OSBPL10: variants seen among roughly 807,000 people sequenced by gnomAD.
OSBPL10 encodes oxysterol-binding protein-related protein 10.
In OSBPL10, 49 loss-of-function variants were observed where a neutral mutation model predicts 81.7. That is an observed-to-expected ratio of 0.60 (90% CI 0.48 to 0.76). The LOEUF is 0.76. Ranked by LOEUF, OSBPL10 falls within the 30% of genes least tolerant of loss-of-function variation. OSBPL10 has a pLI of 0.00. For synonymous variants in OSBPL10, 419 were observed against 383.6 expected (o/e 1.09, Z -1.08); for missense variants, 923 against 987.8 (o/e 0.93, Z 0.88).
At chr3:31,712,347 G>A (rs894969009) in intron 6 of OSBPL10, among the ~76,000 whole-genome samples, 5 of 152,150 alleles carry the variant, frequency 3.3e-5, no homozygotes, top group East Asian at 1.9e-4. Flanking sequence ...CCTAATTCCC[G>A]GAACCTGTGT....
At chr3:32,048,945 A>G (rs1211776503) in intron 1 of OSBPL10, among the ~76,000 whole-genome samples, 1 of 152,218 alleles carries the variant, frequency 6.6e-6, no homozygotes, top group East Asian at 1.9e-4. Flanking sequence ...TACACTAATT[A>G]GAAAACATTA....
At chr3:32,017,067 T>A (rs10510653) in intron 2 of OSBPL10, among the ~76,000 whole-genome samples, 35,469 of 152,084 alleles carry the variant, frequency 0.23, 7,225 homozygotes, top group East Asian at 0.57. Flanking sequence ...AGTTTTGCCC[T>A]TTAAGAGATC....
At chr3:31,806,413 C>T (rs1196752561) in intron 4 of OSBPL10, among the ~76,000 whole-genome samples, 2 of 152,194 alleles carry the variant, frequency 1.3e-5, no homozygotes, top group South Asian at 2.1e-4. Context: ...AATGCATCAA[C>T]GATAAAAGTC....
chr3:31,662,090 G>A lies in OSBPL10; in HGVS notation c.2277C>T (p.Pro759=), dbSNP rs376302982. ...CACCCCATCAGTGTGCTTTCCAGAG[G>A]GGATTGAAGTATACCCAGCCATCGC... is the stretch of plus-strand genomic sequence containing the variant. ...QEGDGWVYFN[P]LWKAH The change falls in exon 12 of 12, where the codon CCC becomes CCT. Residue 759 remains proline (P), a synonymous_variant. Transcript: ENST00000396556. The A allele has an allele frequency of 5.1e-5, 83 of 1,613,878 alleles. No individual in the cohort carries two copies. The highest frequency in any genetic ancestry group is 6.8e-5 in the Non-Finnish European group (80 of 1,179,986).
chr3:31,870,505 AT>A (rs1701293761), intron 3 of OSBPL10, among the ~76,000 whole-genome samples: 1 of 152,252 alleles, frequency 6.6e-6, no homozygotes, highest in Non-Finnish European at 1.5e-5. Flanking sequence ...GTGCGAATGC[AT>A]GGCGCAGGAC....
intron 1 of OSBPL10, among the ~76,000 whole-genome samples, chr3:31,965,111 C>A (rs971848876): frequency 6.6e-6 from 1 of 151,768 alleles, no homozygotes; most frequent in Non-Finnish European, 1.5e-5. Context: ...GTAGGCCAGG[C>A]GGCCGGGGCG....
At chr3:31,962,671 T>C (rs1004692658) in intron 1 of OSBPL10, among the ~76,000 whole-genome samples, 2 of 152,160 alleles carry the variant, frequency 1.3e-5, no homozygotes, top group Non-Finnish European at 2.9e-5. Context: ...TTACACTAAG[T>C]TGTAACGCAA....
intron 2 of OSBPL10, among the ~76,000 whole-genome samples, chr3:31,876,830 A>G (rs967007958): frequency 6.6e-6 from 1 of 152,184 alleles, no homozygotes; most frequent in Non-Finnish European, 1.5e-5. Context: ...TTAAAAAGAA[A>G]GCAGGCAAGG....
chr3:31,851,142 G>T (rs1166125335), intron 3 of OSBPL10, among the ~76,000 whole-genome samples: 1 of 152,136 alleles, frequency 6.6e-6, no homozygotes, highest in Non-Finnish European at 1.5e-5. Context: ...ACATTCTTTT[G>T]TATTTCAAAA....
intron 11 of OSBPL10, 107 bp downstream of exon 11, chr3:31,663,972 C>A (rs770791982): frequency 1.9e-6 from 3 of 1,611,368 alleles, no homozygotes; most frequent in Non-Finnish European, 2.5e-6. Flanking sequence ...ATCCCTTCCC[C>A]TGCCTGGTAT....
intron 3 of OSBPL10, among the ~76,000 whole-genome samples, chr3:31,852,006 G>T (rs894665281): frequency 2.6e-5 from 4 of 152,184 alleles, no homozygotes; most frequent in African/African-American, 9.7e-5. Context: ...CGCTGGCCTT[G>T]CTTCTCTCTT....
chr3:31,729,019 TTAATTCAGATC>T (rs1411184516), intron 6 of OSBPL10, among the ~76,000 whole-genome samples: 2 of 152,208 alleles, frequency 1.3e-5, no homozygotes, highest in South Asian at 2.1e-4. Flanking sequence ...GGATTCAGAT[TTAATTCAGATC>T]TAATTCAGAT....
At chr3:31,853,967 G>A (rs1161497721) in intron 3 of OSBPL10, among the ~76,000 whole-genome samples, 2 of 152,180 alleles carry the variant, frequency 1.3e-5, no homozygotes, top group African/African-American at 4.8e-5. Flanking sequence ...TATCTTATAA[G>A]GATATTGTAA....
intron 4 of OSBPL10, among the ~76,000 whole-genome samples, chr3:31,766,982 A>G (rs1234260419): frequency 3.9e-5 from 6 of 152,196 alleles, no homozygotes; most frequent in Admixed American, 3.9e-4. Flanking sequence ...CAGGTTATAG[A>G]GGAGATTAAA....
Position 31,832,550 on chromosome 3 carries a change from A to C in OSBPL10, c.538-2319T>G, listed in dbSNP as rs570268826. On this transcript the variant is annotated intron_variant, in intron 3 of 11. Coordinates refer to ENST00000396556, the MANE Select transcript of OSBPL10 (RefSeq NM_017784.5). Reference sequence around the variant, plus strand: ...TACTGTGTAGTGTCAGGAAGAAAACAAAATGTATGAGACAGTTTTTCACCA... The same window carrying C: ...TACTGTGTAGTGTCAGGAAGAAAACCAAATGTATGAGACAGTTTTTCACCA... Among the ~76,000 whole-genome samples the C allele has an allele frequency of 2.6e-5, 4 of 152,292 alleles. No individual in the cohort carries two copies. In the East Asian group the frequency reaches 7.7e-4, roughly 29 times the overall value.
intron 5 of OSBPL10, 132 bp downstream of exon 5, chr3:31,747,778 T>C: frequency 1.1e-6 from 1 of 915,422 alleles, no homozygotes; most frequent in Non-Finnish European, 1.7e-6. Context: ...CGAAGGGCAG[T>C]AGAAATACTT....
chr3:31,687,978 T>C (rs1214543271), intron 7 of OSBPL10, among the ~76,000 whole-genome samples: 3 of 151,958 alleles, frequency 2.0e-5, no homozygotes, highest in Non-Finnish European at 4.4e-5. Flanking sequence ...GAATGGGACA[T>C]GAGCCCCACC....
chr3:31,699,982 G>T (rs900252870), intron 7 of OSBPL10, among the ~76,000 whole-genome samples: 1 of 152,206 alleles, frequency 6.6e-6, no homozygotes, highest in African/African-American at 2.4e-5. Context: ...GAAGAGAAAA[G>T]GGGACAGTAC....
chr3:31,911,454 G>A (rs145747491), intron 1 of OSBPL10, among the ~76,000 whole-genome samples: 10 of 152,148 alleles, frequency 6.6e-5, no homozygotes, highest in African/African-American at 1.9e-4. Context: ...TACCCTCAGG[G>A]GAATGGCGAA....
Sources: allele counts gnomAD v4.1 joint callset (sites outside exome capture counted in the v4.1 genomes callset), GRCh38; gene constraint gnomAD v4.1.1; transcripts MANE v1.5; gene names NCBI Gene and HGNC (gene_info 2026-07-23, HGNC 2026-07-21).